The following CCDC178 variants were observed in gnomAD, a reference collection of about 807,000 sequenced individuals.
The protein encoded by CCDC178 is coiled-coil domain-containing protein 178.
Under a neutral mutation model 117.4 loss-of-function variants are expected in CCDC178, and 126 were observed. The ratio of observed to expected loss-of-function variants is 1.07; its 90% CI spans 0.93 to 1.24. The LOEUF (loss-of-function observed/expected upper bound fraction) is 1.24, where lower values mean the gene tolerates loss of function less well. Ranked by LOEUF, CCDC178 falls within the 50% of genes most tolerant of loss-of-function variation. CCDC178 has a pLI of 0.00. For missense variants in CCDC178, 1,030 were observed against 986.9 expected (o/e 1.04, Z -0.59); for synonymous variants, 283 against 313.4 (o/e 0.90, Z 1.02).
At chr18:33,114,161 T>C (rs1010968679) in intron 20 of CCDC178, among the ~76,000 whole-genome samples, 1 of 152,032 alleles carries the variant, frequency 6.6e-6, no homozygotes, top group African/African-American at 2.4e-5. Context: ...AATGAAGAGG[T>C]TGGTTTACTT....
At chr18:33,259,114 T>C (rs983764135) in intron 14 of CCDC178, among the ~76,000 whole-genome samples, 1 of 152,180 alleles carries the variant, frequency 6.6e-6, no homozygotes, top group Non-Finnish European at 1.5e-5. Flanking sequence ...GTGCATTTTA[T>C]CTTTCTAATT....
chr18:33,099,444 G>A (rs1230142632), intron 20 of CCDC178, among the ~76,000 whole-genome samples: 1 of 151,936 alleles, frequency 6.6e-6, no homozygotes, highest in East Asian at 1.9e-4. Flanking sequence ...TTGGTGCGGA[G>A]ACTGATTCAT....
chr18:33,356,712 C>A (rs1348502315), intron 6 of CCDC178, among the ~76,000 whole-genome samples: 1 of 152,084 alleles, frequency 6.6e-6, no homozygotes, highest in African/African-American at 2.4e-5. Flanking sequence ...CTCTTTGTAG[C>A]AATAATATAC....
chr18:33,404,999 T>C (rs1393559284), intron 3 of CCDC178, among the ~76,000 whole-genome samples: 1 of 151,970 alleles, frequency 6.6e-6, no homozygotes, highest in Non-Finnish European at 1.5e-5. Context: ...CAGGGTTTCT[T>C]TCAGTGGTTA....
chr18:32,989,346 A>T (rs1352712815), intron 21 of CCDC178, among the ~76,000 whole-genome samples: 1 of 152,196 alleles, frequency 6.6e-6, no homozygotes, highest in Non-Finnish European at 1.5e-5. Flanking sequence ...TTAATCCCCG[A>T]AAAGGAGAGA....
chr18:33,435,197 C>A (rs1049512827), intron 2 of CCDC178, among the ~76,000 whole-genome samples: 2 of 152,036 alleles, frequency 1.3e-5, no homozygotes, highest in Non-Finnish European at 2.9e-5. Flanking sequence ...AATTTTGGGG[C>A]ATATTTTCTT....
intron 20 of CCDC178, among the ~76,000 whole-genome samples, chr18:33,167,629 C>G (rs962808482): frequency 6.6e-6 from 1 of 151,808 alleles, no homozygotes; most frequent in Non-Finnish European, 1.5e-5. Flanking sequence ...TTTGGGAGGT[C>G]GAGGCAGGTG....
intron 20 of CCDC178, among the ~76,000 whole-genome samples, chr18:33,147,295 T>C (rs1043692297): frequency 8.0e-5 from 12 of 149,814 alleles, no homozygotes; most frequent in Non-Finnish European, 1.3e-4. Flanking sequence ...GAGAACACCA[T>C]GTCCTCGGGT....
chr18:33,376,068 T>G (rs181891110), intron 5 of CCDC178, among the ~76,000 whole-genome samples: 90 of 152,336 alleles, frequency 5.9e-4, no homozygotes, highest in African/African-American at 1.8e-3. Flanking sequence ...ACTTGGGTTT[T>G]TATACGTTGG....
At chr18:33,189,568 T>A (rs1197791874) in intron 20 of CCDC178, among the ~76,000 whole-genome samples, 1 of 152,154 alleles carries the variant, frequency 6.6e-6, no homozygotes, top group Non-Finnish European at 1.5e-5. Context: ...TGTTACTTAG[T>A]CAAATGTACA....
At chr18:33,386,003 A>G (rs913715023) in intron 5 of CCDC178, among the ~76,000 whole-genome samples, 2 of 152,206 alleles carry the variant, frequency 1.3e-5, no homozygotes, top group African/African-American at 4.8e-5. Context: ...ACAATCAGAA[A>G]CGATAAGGGG....
intron 20 of CCDC178, among the ~76,000 whole-genome samples, chr18:33,144,939 A>T (rs943347193): frequency 1.3e-5 from 2 of 152,148 alleles, no homozygotes; most frequent in African/African-American, 4.8e-5. Context: ...TTCGAAGGCT[A>T]TTAGTAAGTT....
At chr18:33,320,190 G>T (rs2062485787) in intron 11 of CCDC178, among the ~76,000 whole-genome samples, 1 of 152,262 alleles carries the variant, frequency 6.6e-6, no homozygotes, top group African/African-American at 2.4e-5. Flanking sequence ...CACAAGACAG[G>T]GATGCCCTCT....
chr18:33,133,383 A>G (rs891557356), intron 20 of CCDC178, among the ~76,000 whole-genome samples: 1 of 151,912 alleles, frequency 6.6e-6, no homozygotes, highest in African/African-American at 2.4e-5. Context: ...GAGAAAATAC[A>G]TAAATTTGAT....
At chr18:33,243,401 T>C (rs1233832933) in intron 15 of CCDC178, among the ~76,000 whole-genome samples, 1 of 151,888 alleles carries the variant, frequency 6.6e-6, no homozygotes, top group African/African-American at 2.4e-5. Context: ...TGATATTGAA[T>C]ATTTTCATCA....
At chr18:33,198,259 CCTCT>C (rs1293269985) in intron 20 of CCDC178, among the ~76,000 whole-genome samples, 1 of 152,128 alleles carries the variant, frequency 6.6e-6, no homozygotes, top group Non-Finnish European at 1.5e-5. Context: ...AGCTAGCTTG[CCTCT>C]CTCTGTCTCT....
At chr18:33,238,492 T>C (rs1178395214) in intron 15 of CCDC178, among the ~76,000 whole-genome samples, 3 of 151,810 alleles carry the variant, frequency 2.0e-5, no homozygotes, top group Non-Finnish European at 4.4e-5. Flanking sequence ...AGCTGAATAA[T>C]ATGGTAAATG....
rs151041532 is a variant in CCDC178 at position 33,271,323 on chromosome 18, G to A, written c.1177-4026C>T. On this transcript the variant is annotated intron_variant, in intron 12 of 22. Transcript: ENST00000383096. ...TGACGGAATGAGTTTGAAGGAAATG[G>A]TCCTATCATATACGGTTCACAAAAG... Among the ~76,000 whole-genome samples the A allele has an allele frequency of 6.0e-3, 902 of 151,338 alleles. 7 individuals are homozygous for A. Among genetic ancestry groups the A allele is most frequent in the African/African-American group, 0.021 (865 of 41,430 alleles).
intron 11 of CCDC178, among the ~76,000 whole-genome samples, chr18:33,310,943 T>A (rs1024798747): frequency 2.0e-5 from 3 of 152,132 alleles, no homozygotes; most frequent in Non-Finnish European, 2.9e-5. Flanking sequence ...CCAGTCTTCC[T>A]CTATGATGTC....
Sources: allele counts gnomAD v4.1 joint callset (sites outside exome capture counted in the v4.1 genomes callset), GRCh38; gene constraint gnomAD v4.1.1; transcripts MANE v1.5; gene names NCBI Gene and HGNC (gene_info 2026-07-23, HGNC 2026-07-21).